Variants in COL25A1 observed in about 807,000 individuals in gnomAD.
COL25A1 encodes collagen alpha-1(XXV) chain.
A neutral mutation model predicts 128.4 loss-of-function variants in COL25A1; 103 were observed. The observed-to-expected ratio is 0.80, with a 90% CI of 0.68 to 0.94. COL25A1 has a LOEUF of 0.94. COL25A1 is among the 40% of genes least tolerant of loss of function. The pLI is 0.00. For missense variants in COL25A1, 745 were observed against 840.0 expected, an observed-to-expected ratio of 0.89 and a Z score of 1.40; for synonymous variants, 279 against 277.2, an observed-to-expected ratio of 1.01 and a Z score of -0.06.
intron 8 of COL25A1, among the ~76,000 whole-genome samples, chr4:108,963,090 G>C (rs1252518137): frequency 6.6e-6 from 1 of 152,124 alleles, no homozygotes; most frequent in African/African-American, 2.4e-5. Context: ...AGACCTACAG[G>C]AACTGTTCTC....
At chr4:109,009,539 A>C (rs1179772762) in intron 6 of COL25A1, among the ~76,000 whole-genome samples, 1 of 152,232 alleles carries the variant, frequency 6.6e-6, no homozygotes, top group African/African-American at 2.4e-5. Context: ...CTATCATGAA[A>C]ATGGCTTATT....
intron 31 of COL25A1, among the ~76,000 whole-genome samples, chr4:108,834,562 C>T (rs1200406340): frequency 6.7e-6 from 1 of 149,760 alleles, no homozygotes; most frequent in Non-Finnish European, 1.5e-5. Flanking sequence ...AAAAAAAAAA[C>T]ACATGACAAA....
chr4:108,823,473 GA>G (rs1395331317), intron 35 of COL25A1, among the ~76,000 whole-genome samples: 2 of 152,004 alleles, frequency 1.3e-5, no homozygotes, highest in Non-Finnish European at 1.5e-5. Context: ...CAAAGGAGAG[GA>G]AAGGAAAAAT....
chr4:109,077,121 A>G (rs1046431744), intron 3 of COL25A1, among the ~76,000 whole-genome samples: 10 of 152,232 alleles, frequency 6.6e-5, no homozygotes, highest in Admixed American at 2.6e-4. Flanking sequence ...TAATTGGCAC[A>G]ACACCAAACA....
intron 31 of COL25A1, chr4:108,837,948 C>A: frequency 1.5e-6 from 1 of 651,308 alleles, no homozygotes; most frequent in Non-Finnish European, 2.7e-6. Flanking sequence ...TCAGAGAAAA[C>A]AAAACTGGGC....
At chr4:108,915,734 C>A (rs1051820696) in intron 13 of COL25A1, among the ~76,000 whole-genome samples, 1 of 152,074 alleles carries the variant, frequency 6.6e-6, no homozygotes, top group African/African-American at 2.4e-5. Context: ...ATTATATCCT[C>A]CCCTAACCAC....
Position 109,212,857 on chromosome 4 carries a change from AG to A in COL25A1, c.367+87725del, listed in dbSNP as rs1259313122. ...CAAAAAATTTCAGTAACAGGAATGA[AG>A]GCAAGGAATTATCTGTCTTCTGCGG... On this transcript the variant is annotated intron_variant, in intron 3 of 37. Transcript: ENST00000399132. Among the ~76,000 whole-genome samples, 4 of 152,220 alleles carry A rather than the reference AG, an allele frequency of 2.6e-5. No individual in the cohort carries two copies. The East Asian group carries it at 7.7e-4, about 29-fold the overall frequency.
At chr4:108,888,026 A>C (rs1741029473) in intron 18 of COL25A1, among the ~76,000 whole-genome samples, 2 of 152,218 alleles carry the variant, frequency 1.3e-5, no homozygotes, top group Non-Finnish European at 1.5e-5. Context: ...GATAGGAAAT[A>C]TTATAAAATA....
chr4:109,248,064 A>G (rs1273043348), intron 3 of COL25A1, among the ~76,000 whole-genome samples: 1 of 152,082 alleles, frequency 6.6e-6, no homozygotes, highest in Non-Finnish European at 1.5e-5. Flanking sequence ...TCAAGATAAT[A>G]TATGAGAATA....
intron 6 of COL25A1, among the ~76,000 whole-genome samples, chr4:108,993,555 T>C (rs2126016458): frequency 6.6e-6 from 1 of 152,278 alleles, no homozygotes; most frequent in African/African-American, 2.4e-5. Context: ...ACTTCCACCA[T>C]GTGCAAGAAA....
chr4:109,084,036 C>G (rs1054990478), intron 3 of COL25A1, among the ~76,000 whole-genome samples: 1 of 152,086 alleles, frequency 6.6e-6, no homozygotes, highest in African/African-American at 2.4e-5. Flanking sequence ...CTACACAAGA[C>G]TCATTTTGTG....
intron 3 of COL25A1, among the ~76,000 whole-genome samples, chr4:109,295,813 G>A (rs1724919158): frequency 6.6e-6 from 1 of 152,012 alleles, no homozygotes. Flanking sequence ...GCTTGCCTAT[G>A]TGAATCGCTT....
chr4:109,292,906 G>A (rs2126286422), intron 3 of COL25A1, among the ~76,000 whole-genome samples: 1 of 152,114 alleles, frequency 6.6e-6, no homozygotes, highest in African/African-American at 2.4e-5. Context: ...AGTTCACTTA[G>A]GAGCCCTAGA....
chr4:109,277,616 T>C (rs980804242), intron 3 of COL25A1, among the ~76,000 whole-genome samples: 1 of 151,908 alleles, frequency 6.6e-6, no homozygotes, highest in Non-Finnish European at 1.5e-5. Flanking sequence ...CAAATAAGAG[T>C]CTTTGTTGAA....
At chr4:109,183,605 A>T (rs977089476) in intron 3 of COL25A1, among the ~76,000 whole-genome samples, 1 of 152,298 alleles carries the variant, frequency 6.6e-6, no homozygotes, top group East Asian at 1.9e-4. Context: ...TAGATCAAGA[A>T]CTATAACGAG....
At position 108,846,979 on chromosome 4, in the gene COL25A1, C is replaced by T. The variant is rs996577538; in HGVS notation, c.1435-760G>A. On this transcript the variant is annotated intron_variant, in intron 27 of 37. Transcript: ENST00000399132. ...GGACCGCAATGGTGCGATCTTGGCT[C>T]ACTGCAACCTCCGGCTCCTGGGTTC... 2.7e-5 allele frequency among the ~76,000 whole-genome samples: 4 copies of T among 147,254 alleles called. No homozygotes were observed. The South Asian group carries it at 8.6e-4, about 32-fold the overall frequency.
Position 108,884,177 on chromosome 4 carries a change from C to T in COL25A1, c.1020+1G>A. On this transcript the variant is annotated splice_donor_variant, in intron 19 of 37. Transcript: ENST00000399132. LOFTEE classifies it high-confidence loss of function. ...GCCGAGACTGTCCGTGCAGTATTTA[C>T]CTTTATCCCCGGAAGTCCAGGAAGC... is the stretch of plus-strand genomic sequence containing the variant. 6.2e-7 allele frequency: 1 copy of T among 1,613,684 alleles called. No individual in the cohort carries two copies. The highest frequency in any genetic ancestry group is 8.5e-7 in the Non-Finnish European group (1 of 1,179,746).
intron 3 of COL25A1, among the ~76,000 whole-genome samples, chr4:109,256,265 T>C (rs1352724875): frequency 1.3e-5 from 2 of 152,080 alleles, no homozygotes; most frequent in Non-Finnish European, 2.9e-5. Flanking sequence ...ATTCAGAAAA[T>C]GTATGGACAG....
In COL25A1 at chr4:108,869,136, G is replaced by A. The variant is rs754942983; in HGVS notation, c.1035C>T (p.Phe345=). 4.5e-6 allele frequency: 7 copies of A among 1,541,170 alleles called. No individual in the cohort carries two copies. In the East Asian group the frequency reaches 1.5e-4, roughly 32 times the overall value. Residue 345 remains phenylalanine (F), a synonymous_variant, in exon 20 of 38, where the codon TTC becomes TTT. Transcript: ENST00000399132. ...GLPGIKGEPG[F]IGPQGEPGLP... The stretch of plus-strand genomic sequence containing the variant: ...AGCCTGGTTCTCCTTGAGGACCAAT[G>A]AAACCTGGTTCTCCCTTTAAAAACA...
Sources: gnomAD v4.1 joint callset for allele counts (sites outside exome capture counted in the v4.1 genomes callset) on GRCh38, gnomAD v4.1.1 for gene constraint, MANE v1.5 for transcripts, NCBI Gene and HGNC (gene_info 2026-07-23, HGNC 2026-07-21) for gene names.